NADK2: variants seen among roughly 807,000 people sequenced by gnomAD.
NADK2 encodes the protein NAD kinase domain-containing protein 1, mitochondrial.
A neutral mutation model predicts 62.1 loss-of-function variants in NADK2; 35 were observed. The observed-to-expected ratio is 0.56, with a 90% CI of 0.43 to 0.75. The LOEUF (loss-of-function observed/expected upper bound fraction) is 0.75. NADK2 is among the 30% of genes least tolerant of loss of function. NADK2 has a pLI of 0.00. For synonymous variants in NADK2, 205 were observed against 207.9 expected (o/e 0.99, Z 0.12); for missense variants, 439 against 561.3 (o/e 0.78, Z 2.20).
chr5:36,235,419 G>A (rs1388875216), intron 1 of NADK2, among the ~76,000 whole-genome samples: 1 of 152,146 alleles, frequency 6.6e-6, no homozygotes, highest in African/African-American at 2.4e-5. Context: ...TATGTAAATT[G>A]TAAATTATTT....
chr5:36,224,568 A>G (rs200323413), intron 4 of NADK2, among the ~76,000 whole-genome samples: 3 of 151,810 alleles, frequency 2.0e-5, no homozygotes, highest in Non-Finnish European at 2.9e-5. Flanking sequence ...AAAAAAAAAA[A>G]AAAGAAAGAA....
At chr5:36,229,587 T>C (rs1011898479) in intron 1 of NADK2, among the ~76,000 whole-genome samples, 2 of 151,894 alleles carry the variant, frequency 1.3e-5, no homozygotes, top group Non-Finnish European at 2.9e-5. Context: ...TCAGTGAGTA[T>C]GGACCACTAC....
At chr5:36,222,047 GAAATT>G (rs1747291443) in intron 4 of NADK2, 1 of 152,064 alleles carries the variant, frequency 6.6e-6, no homozygotes, top group African/African-American at 2.4e-5. Flanking sequence ...TAGTGACAGA[GAAATT>G]AAAATACAAG....
intron 7 of NADK2, among the ~76,000 whole-genome samples, chr5:36,208,107 T>C (rs1160547708): frequency 6.6e-6 from 1 of 152,104 alleles, no homozygotes; most frequent in African/African-American, 2.4e-5. Context: ...AAATACAACT[T>C]TTCAAAATAA....
intron 1 of NADK2, among the ~76,000 whole-genome samples, chr5:36,234,087 T>C (rs1056092978): frequency 2.6e-5 from 4 of 152,030 alleles, no homozygotes; most frequent in African/African-American, 9.7e-5. Flanking sequence ...TTAAAATGTA[T>C]TAATGGGCCA....
At chr5:36,233,191 C>A (rs189790087) in intron 1 of NADK2, among the ~76,000 whole-genome samples, 4 of 152,150 alleles carry the variant, frequency 2.6e-5, no homozygotes, top group African/African-American at 9.7e-5. Flanking sequence ...TGGTCTAATG[C>A]AAAAGCTTGC....
At chr5:36,221,620 G>T (rs189188224) in intron 4 of NADK2, 1 of 152,278 alleles carries the variant, frequency 6.6e-6, no homozygotes, top group Admixed American at 6.5e-5. Flanking sequence ...TAACATATCT[G>T]CCTGGAGGCA....
chr5:36,201,030 A>G, intron 9 of NADK2, 76 bp downstream of exon 9: 1 of 1,238,720 alleles, frequency 8.1e-7, no homozygotes, highest in South Asian at 1.2e-5. Flanking sequence ...CCAAGGTTTC[A>G]GCATTCACTG....
intron 8 of NADK2, among the ~76,000 whole-genome samples, chr5:36,201,935 T>C (rs1046816605): frequency 6.6e-6 from 1 of 152,008 alleles, no homozygotes; most frequent in African/African-American, 2.4e-5. Context: ...TAAGAAAAGG[T>C]TGTTTTTTTA....
At position 36,211,960 on chromosome 5, in the gene NADK2, T is replaced by A. The variant is rs1190812837; in HGVS notation, c.782-38A>T. On this transcript the variant is annotated intron_variant, in intron 6 of 11. Coordinates refer to ENST00000381937, the MANE Select transcript of NADK2 (RefSeq NM_001085411.3). Reference sequence around the variant, plus strand: ...TAAGACAAAGAAAATCCAAGATAGCTCCTTGATTTCTAGAAATGTTATAAA... The same window carrying A: ...TAAGACAAAGAAAATCCAAGATAGCACCTTGATTTCTAGAAATGTTATAAA... 4 of 1,449,028 alleles carry A rather than the reference T, an allele frequency of 2.8e-6. No homozygotes were observed. The Admixed American group carries it at 8.1e-5, about 29-fold the overall frequency. The allele number at this position is 1,449,028 out of a possible 1,614,324, so 89.8% of individuals were successfully genotyped here.
At chr5:36,200,201 A>G (rs1251343426) in intron 10 of NADK2, 26 bp downstream of exon 10, 1 of 1,528,308 alleles carries the variant, frequency 6.5e-7, no homozygotes, top group Admixed American at 1.9e-5. Context: ...CTAAACTGTT[A>G]GTGATTATTA....
In NADK2 at chr5:36,241,334, G is replaced by A. The variant is rs959202577; in HGVS notation, c.300+165C>T. 1 of 1,284,236 alleles carries A rather than the reference G, an allele frequency of 7.8e-7. No homozygotes were observed. Among genetic ancestry groups the A allele is most frequent in the Non-Finnish European group, 1.0e-6 (1 of 999,692 alleles). The allele number at this position is 1,284,236 out of a possible 1,614,324, so 79.6% of individuals were successfully genotyped here. A position where few individuals can be genotyped will look rare whatever the true frequency, so the allele number is the denominator to read the frequency against. Reference sequence around the variant, plus strand: ...CTCGCACACACGCCCAAAGGCAAAGGAGGCCCAGGGAGAAGCCAGAGGACC... The same window carrying A: ...CTCGCACACACGCCCAAAGGCAAAGAAGGCCCAGGGAGAAGCCAGAGGACC... On this transcript the variant is annotated intron_variant, in intron 1 of 11. Coordinates refer to ENST00000381937, the MANE Select transcript of NADK2 (RefSeq NM_001085411.3). The surrounding 1 kb of genome is among the most constrained non-coding windows in gnomAD (Gnocchi z 4.9).
intron 6 of NADK2, among the ~76,000 whole-genome samples, chr5:36,213,952 A>T (rs180746463): frequency 1.3e-5 from 2 of 151,752 alleles, no homozygotes; most frequent in African/African-American, 4.8e-5. Flanking sequence ...ATTTTCCCTC[A>T]TCCTAATTTA....
intron 11 of NADK2, 47 bp downstream of exon 11, chr5:36,197,494 C>T: frequency 6.2e-7 from 1 of 1,609,260 alleles, no homozygotes; most frequent in Non-Finnish European, 8.5e-7. Flanking sequence ...GGCTTTGTAA[C>T]AATGAAAGGG....
chr5:36,219,616 C>T lies in NADK2; in HGVS notation c.624G>A (p.Lys208=). The part of the protein sequence containing the change: ...YTHSFPEALQ[K]FYRGEFRWLW... ...CCTACCTGAACTCACCACGATAGAA[C>T]TTCTGTAAGGCTTCTGGAAAGGAAT... The change falls in exon 5 of 12, where the codon AAG becomes AAA. Residue 208 remains lysine, a synonymous_variant. Coordinates refer to ENST00000381937, the MANE Select transcript of NADK2 (RefSeq NM_001085411.3). The T allele has an allele frequency of 6.2e-7, 1 of 1,613,958 alleles. No individual in the cohort carries two copies. The highest frequency in any genetic ancestry group is 8.5e-7 in the Non-Finnish European group (1 of 1,179,914).
chr5:36,238,796 A>C (rs972614453), intron 1 of NADK2, among the ~76,000 whole-genome samples: 10 of 152,246 alleles, frequency 6.6e-5, no homozygotes, highest in African/African-American at 2.2e-4. Context: ...ATGGGGAAAA[A>C]GACAAGATTT....
At chr5:36,216,037 T>A (rs923720181) in intron 6 of NADK2, among the ~76,000 whole-genome samples, 3 of 152,216 alleles carry the variant, frequency 2.0e-5, no homozygotes, top group Non-Finnish European at 1.5e-5. Flanking sequence ...ATGGCTTTAC[T>A]TATTTACATT....
chr5:36,210,169 C>G (rs772743398), intron 7 of NADK2, among the ~76,000 whole-genome samples: 16 of 152,102 alleles, frequency 1.1e-4, no homozygotes, highest in Non-Finnish European at 2.2e-4. Flanking sequence ...AAATAAAACT[C>G]ATCTCTAATC....
chr5:36,218,442 A>G (rs954068113), intron 5 of NADK2, among the ~76,000 whole-genome samples: 5 of 152,358 alleles, frequency 3.3e-5, no homozygotes, highest in Non-Finnish European at 7.4e-5. Context: ...ACTGATAATC[A>G]ATGTATCGAA....
Sources: gnomAD v4.1 joint callset for allele counts (sites outside exome capture counted in the v4.1 genomes callset) on GRCh38, gnomAD v4.1.1 for gene constraint, Gnocchi (gnomAD v3.1) non-coding constraint, MANE v1.5 for transcripts, NCBI Gene and HGNC (gene_info 2026-07-23, HGNC 2026-07-21) for gene names.